The following DPP6 variants were observed in gnomAD, a reference collection of about 807,000 sequenced individuals.
DPP6 encodes A-type potassium channel modulatory protein DPP6.
Under a neutral mutation model 122.6 loss-of-function variants are expected in DPP6, and 69 were observed. The ratio of observed to expected loss-of-function variants is 0.56; its 90% confidence interval spans 0.46 to 0.69. The LOEUF (loss-of-function observed/expected upper bound fraction) is 0.69, where lower values mean the gene tolerates loss of function less well. Ranked by LOEUF, DPP6 falls within the 30% of genes least tolerant of loss-of-function variation. The probability of loss-of-function intolerance (pLI) is 0.00; values close to 1 mark genes in which losing one functional copy is unlikely to be tolerated. For synonymous variants in DPP6, 418 were observed against 433.1 expected (o/e 0.97, Z 0.43); for missense variants, 928 against 1,116.9 (o/e 0.83, Z 2.41).
Position 154,091,094 on chromosome 7 carries a change from T to C in DPP6, c.243+38031T>C, listed in dbSNP as rs1362302506. Among the ~76,000 whole-genome samples, 989 of 150,684 alleles carry C rather than the reference T, an allele frequency of 6.6e-3. 14 individuals are homozygous for C. The highest frequency in any genetic ancestry group is 0.019 in the African/African-American group (782 of 40,552). The stretch of plus-strand genomic sequence containing the variant: ...CGAGACTGCGCCACTGCACTCCAGC[T>C]TGGGCAACAGAGCAAGACTCCTTCT... On this transcript the variant is annotated intron_variant, in intron 1 of 25. Coordinates refer to ENST00000377770, the MANE Select transcript of DPP6 (RefSeq NM_130797.4).
chr7:154,503,329 T>C (rs929018991), intron 3 of DPP6, among the ~76,000 whole-genome samples: 2 of 152,210 alleles, frequency 1.3e-5, no homozygotes, highest in East Asian at 3.9e-4. Flanking sequence ...CCAAAGAGCA[T>C]GTGGTTTGAA....
chr7:154,649,500 C>A (rs10262218), intron 6 of DPP6, among the ~76,000 whole-genome samples: 17,685 of 152,166 alleles, frequency 0.12, 1,052 homozygotes, highest in African/African-American at 0.16. Context: ...CTGCCTTTTT[C>A]TTAACTCACT....
chr7:154,501,457 G>A (rs564402857), intron 3 of DPP6, among the ~76,000 whole-genome samples: 15 of 152,294 alleles, frequency 9.8e-5, no homozygotes, highest in Admixed American at 7.2e-4. Context: ...GGGTTCATGT[G>A]CTGTGTGCAG....
intron 1 of DPP6, among the ~76,000 whole-genome samples, chr7:153,989,619 A>T (rs943091148): frequency 2.0e-5 from 3 of 151,984 alleles, no homozygotes; most frequent in African/African-American, 7.2e-5. Context: ...GGGTGCTCAC[A>T]GCTGGGGCGA....
At chr7:154,306,950 C>T (rs1046852617) in intron 1 of DPP6, among the ~76,000 whole-genome samples, 1 of 152,148 alleles carries the variant, frequency 6.6e-6, no homozygotes, top group Non-Finnish European at 1.5e-5. Flanking sequence ...AACTGGGTTT[C>T]TTTTTATTAC....
intron 1 of DPP6, among the ~76,000 whole-genome samples, chr7:154,370,052 G>A (rs1352860925): frequency 6.6e-6 from 1 of 151,616 alleles, no homozygotes; most frequent in East Asian, 1.9e-4. Flanking sequence ...GCACAATCTT[G>A]GCTCACTGCA....
At chr7:154,726,684 T>A (rs1236219704) in intron 7 of DPP6, among the ~76,000 whole-genome samples, 1 of 152,230 alleles carries the variant, frequency 6.6e-6, no homozygotes, top group African/African-American at 2.4e-5. Context: ...ATTTGGTTCC[T>A]TTTACTTATG....
rs182970791 is a variant in DPP6 at position 154,029,432 on chromosome 7, G to A, written c.51+141698G>A. 3.9e-3 allele frequency among the ~76,000 whole-genome samples: 587 copies of A among 152,140 alleles called. 2 individuals carry two copies. The highest frequency in any genetic ancestry group is 5.9e-3 in the Non-Finnish European group (399 of 68,012). ...CTTGGGAGGCTGAAGCAGGAGCATG[G>A]CGTGAACCTGGGAGGCAGAGCTTGC... On this transcript the variant is annotated intron_variant, in intron 1 of 25. Coordinates refer to the DPP6 transcript ENST00000404039.
At chr7:154,384,623 C>T (rs939343347) in intron 1 of DPP6, among the ~76,000 whole-genome samples, 1 of 152,062 alleles carries the variant, frequency 6.6e-6, no homozygotes, top group East Asian at 1.9e-4. Flanking sequence ...ACAGTGAGAA[C>T]CAGATAAGTG....
chr7:153,943,091 T>C (rs1432872824), intron 1 of DPP6, among the ~76,000 whole-genome samples: 1 of 152,210 alleles, frequency 6.6e-6, no homozygotes, highest in Non-Finnish European at 1.5e-5. Flanking sequence ...GCCTTGTTTT[T>C]CAGGAAATAC....
rs76293261 is a variant in DPP6, at chr7:154,470,513, G to A, written c.359-4426G>A. Among the ~76,000 whole-genome samples the A allele has an allele frequency of 2.6e-3, 395 of 152,216 alleles. 1 individual carries two copies. The highest frequency in any genetic ancestry group is 3.7e-3 in the Non-Finnish European group (253 of 68,008). ...CTCCAGCAGCTATGCTCGGGTGATG[G>A]GATTTATTTCTAGTTTTCTGGTATT... On this transcript the variant is annotated intron_variant, in intron 2 of 25. Coordinates refer to ENST00000377770, the MANE Select transcript of DPP6 (RefSeq NM_130797.4).
At chr7:153,920,207 G>A (rs1800564197) in intron 1 of DPP6, among the ~76,000 whole-genome samples, 2 of 66,488 alleles carry the variant, frequency 3.0e-5, no homozygotes, top group African/African-American at 1.1e-4. Context: ...GAAAGTCGAG[G>A]GGGTGACCTG....
chr7:154,280,188 G>GT (rs147959898), intron 1 of DPP6, among the ~76,000 whole-genome samples: 18,286 of 152,030 alleles, frequency 0.12, 1,252 homozygotes, highest in Middle Eastern at 0.13. Flanking sequence ...TGTTTTTACT[G>GT]TTTTTTTATA....
At chr7:153,963,444 G>T (rs1350299436) in intron 1 of DPP6, among the ~76,000 whole-genome samples, 2 of 146,674 alleles carry the variant, frequency 1.4e-5, no homozygotes, top group African/African-American at 2.5e-5. Context: ...TGCTCCTAGG[G>T]TGGCTGGAAA....
intron 1 of DPP6, among the ~76,000 whole-genome samples, chr7:153,931,659 C>G (rs1216620985): frequency 6.6e-6 from 1 of 152,250 alleles, no homozygotes; most frequent in African/African-American, 2.4e-5. Context: ...GCACTTATTT[C>G]TGTGATACCC....
intron 1 of DPP6, among the ~76,000 whole-genome samples, chr7:154,389,257 T>C (rs1291460130): frequency 1.3e-5 from 2 of 152,242 alleles, no homozygotes; most frequent in Admixed American, 6.5e-5. Flanking sequence ...GCCACTCTCC[T>C]GTGTGGCCCA....
At chr7:154,635,342 C>G (rs1224431689) in intron 5 of DPP6, among the ~76,000 whole-genome samples, 1 of 151,562 alleles carries the variant, frequency 6.6e-6, no homozygotes, top group African/African-American at 2.4e-5. Flanking sequence ...GAAGTAATAT[C>G]AAAGGCTTCC....
In DPP6 at chr7:154,772,717, C is replaced by A; in HGVS notation, c.1039-128C>A. 1.6e-6 allele frequency: 2 copies of A among 1,268,006 alleles called. 1 individual carries two copies. The highest frequency in any genetic ancestry group is 3.8e-4 in the Middle Eastern group (2 of 5,220). The allele number at this position is 1,268,006 out of a possible 1,614,324, so 78.5% of individuals were successfully genotyped here. A position where few individuals can be genotyped will look rare whatever the true frequency, so the allele number is the denominator to read the frequency against. On this transcript the variant is annotated intron_variant, in intron 9 of 25. Transcript: ENST00000377770. ...CCATTTGTTCTCCACATTAATTCTGCTCCTTAATATGGAGCTCCAGTGTCC... is the reference window on the plus strand; with the variant it reads ...CCATTTGTTCTCCACATTAATTCTGATCCTTAATATGGAGCTCCAGTGTCC...
chr7:154,880,343 C>G (rs1805286032), intron 20 of DPP6, among the ~76,000 whole-genome samples: 1 of 152,220 alleles, frequency 6.6e-6, no homozygotes, highest in Non-Finnish European at 1.5e-5. Context: ...TAGCAGGAAG[C>G]TCATGGGAAG....
Sources: gnomAD v4.1 joint callset for allele counts (sites outside exome capture counted in the v4.1 genomes callset) on GRCh38, gnomAD v4.1.1 for gene constraint, MANE v1.5 for transcripts, NCBI Gene and HGNC (gene_info 2026-07-23, HGNC 2026-07-21) for gene names.